PLCD1: variants seen among roughly 807,000 people sequenced by gnomAD.
The protein encoded by PLCD1 is 1-phosphatidylinositol 4,5-bisphosphate phosphodiesterase delta-1.
Under a neutral mutation model 87.4 loss-of-function variants are expected in PLCD1, and 71 were observed. The observed-to-expected ratio is 0.81, with a 90% confidence interval of 0.67 to 0.99. The LOEUF (loss-of-function observed/expected upper bound fraction) is 0.99. PLCD1 is among the 50% of genes least tolerant of loss of function. PLCD1 has a pLI of 0.00. For synonymous variants in PLCD1, 348 were observed against 399.2 expected (o/e 0.87, Z 1.53); for missense variants, 867 against 1,001.5 (o/e 0.87, Z 1.81).
rs374756302 is a variant in PLCD1, at chr3:38,011,557, C to T, written c.545G>A (p.Arg182Gln). 10 of 1,614,148 alleles carry T rather than the reference C, an allele frequency of 6.2e-6. No homozygotes were observed. The East Asian group carries it at 1.1e-4, about 18-fold the overall frequency. Reference protein sequence around the residue: ...LNIQVDDSYARKIFRECDHSQ... With the variant: ...LNIQVDDSYAQKIFRECDHSQ... ...TTCCTGCCTCACCCTGAAGATCTTC[C>T]GGGCATAGCTGTCGTCCACCTGGAT... Residue 182 changes from arginine (R) to glutamine (Q), a missense_variant, in exon 4 of 15, where the codon CGG (arginine) becomes CAG (glutamine). Arg to Gln is a conservative substitution (Grantham distance 43). Transcript: ENST00000334661.
chr3:38,026,823 G>A (rs903649185), intron 1 of PLCD1, among the ~76,000 whole-genome samples: 1 of 152,256 alleles, frequency 6.6e-6, no homozygotes, highest in Non-Finnish European at 1.5e-5. Flanking sequence ...TGTGAAATAT[G>A]TACTGCTATC....
At chr3:38,024,892 G>T in intron 1 of PLCD1, 1 of 355,352 alleles carries the variant, frequency 2.8e-6, no homozygotes, top group South Asian at 2.6e-5. Context: ...GTCGAGGCGT[G>T]GGTGGGGATG....
chr3:38,024,598 G>A, intron 1 of PLCD1: 3 of 1,512,158 alleles, frequency 2.0e-6, no homozygotes, highest in African/African-American at 1.4e-5. Context: ...GCTAGAGTTC[G>A]AGAGGAGGGG....
chr3:38,027,786 A>T (rs1700324039), intron 1 of PLCD1, among the ~76,000 whole-genome samples: 1 of 152,232 alleles, frequency 6.6e-6, no homozygotes. Flanking sequence ...CCCTCCCACC[A>T]ACAATTCTCC....
chr3:38,011,299 C>T lies in PLCD1; in HGVS notation c.705G>A (p.Thr235=), dbSNP rs115932877. ...CCTCCCGCTGCTGGTGCTGCAGGAA[C>T]GTCACTAACTGATCCACCGACAGAG... is the stretch of plus-strand genomic sequence containing the variant. ...GETLSVDQLV[T]FLQHQQREEA... is the part of the protein sequence containing the mutation. Residue 235 remains threonine, a synonymous_variant, in exon 5 of 15, where the codon ACG becomes ACA. Coordinates refer to ENST00000334661, the MANE Select transcript of PLCD1 (RefSeq NM_006225.4). 9.1e-5 allele frequency: 146 copies of T among 1,612,046 alleles called. 1 individual carries two copies. The African/African-American group carries it at 1.4e-3, about 16-fold the overall frequency.
intron 1 of PLCD1, among the ~76,000 whole-genome samples, chr3:38,021,078 T>G (rs1224684878): frequency 6.6e-6 from 1 of 151,454 alleles, no homozygotes; most frequent in Non-Finnish European, 1.5e-5. Flanking sequence ...GCAGTTGGGG[T>G]TCTTGGTGTC....
rs753275222 is a variant in PLCD1, at chr3:38,020,308, G to A, written c.79C>T (p.Gln27Ter). The A allele has an allele frequency of 1.2e-6, 2 of 1,614,012 alleles. No individual in the cohort carries two copies. The highest frequency in any genetic ancestry group is 1.7e-6 in the Non-Finnish European group (2 of 1,179,962). Residue 27 changes from glutamine to a stop codon, truncating the protein, a stop_gained, in exon 2 of 15, where the codon CAG becomes TAG. Transcript: ENST00000334661. LOFTEE classifies it high-confidence loss of function. Reference sequence around the variant, plus strand: ...GAGCTGGACTTCACCTTCAGGAGCTGGCTGCCCTTCAGCAGCGCCTGTAGA... The same window carrying A: ...GAGCTGGACTTCACCTTCAGGAGCTAGCTGCCCTTCAGCAGCGCCTGTAGA... The part of the protein sequence containing the change: ...EDLQALLKGS[Q>*]LLKVKSSSWR...
chr3:38,015,587 A>G (rs770168869), intron 3 of PLCD1, among the ~76,000 whole-genome samples: 2 of 152,244 alleles, frequency 1.3e-5, no homozygotes, highest in Non-Finnish European at 2.9e-5. Context: ...ATTATATGGT[A>G]TGTGAATTAC....
At position 38,029,510 on chromosome 3, in the gene PLCD1, C is replaced by T; in HGVS notation, c.30G>A (p.Leu10=). The T allele has an allele frequency of 6.5e-7, 1 of 1,539,476 alleles. No homozygotes were observed. The stretch of plus-strand genomic sequence containing the variant: ...TCGCGCGGGCCAGGCACTCACCGTG[C>T]AGGGTCAGGAAGTCCCGGCCCGAGT... The part of the protein sequence containing the change: MDSGRDFLT[L]HGLQDDEDLQ... The change falls in exon 1 of 15, where the codon CTG becomes CTA. Residue 10 remains leucine (L), a synonymous_variant. Transcript: ENST00000334661.
In PLCD1 at chr3:38,007,682, A is replaced by G; in HGVS notation, c.*91T>C. On this transcript the variant is annotated 3_prime_UTR_variant, in exon 15 of 15. Transcript: ENST00000334661. The stretch of plus-strand genomic sequence containing the variant: ...GCAATTTGGGGGCCTAGCTCTGAGC[A>G]AGAGGCTGGGAGCAGCCACACCAGC... 1.0e-6 allele frequency: 1 copy of G among 989,018 alleles called. No individual in the cohort carries two copies. The allele number at this position is 989,018 out of a possible 1,614,324, so 61.3% of individuals were successfully genotyped here. A position where few individuals can be genotyped will look rare whatever the true frequency, so the allele number is the denominator to read the frequency against.
intron 1 of PLCD1, among the ~76,000 whole-genome samples, chr3:38,027,303 G>A (rs1700320026): frequency 6.6e-6 from 1 of 152,190 alleles, no homozygotes; most frequent in Non-Finnish European, 1.5e-5. Context: ...ATTTGGGGAG[G>A]GGGCCTCCTG....
intron 3 of PLCD1, among the ~76,000 whole-genome samples, chr3:38,012,350 G>T (rs1700093264): frequency 6.6e-6 from 1 of 151,812 alleles, no homozygotes; most frequent in African/African-American, 2.4e-5. Flanking sequence ...CAACACTAAA[G>T]AAATGGATAT....
chr3:38,024,401 G>A (rs1453058547), intron 1 of PLCD1: 2 of 1,612,546 alleles, frequency 1.2e-6, no homozygotes, highest in East Asian at 2.2e-5. Context: ...GCTCCCTGGA[G>A]CGGCTCCGGC....
In PLCD1 at chr3:38,011,688, A is replaced by G; in HGVS notation, c.429-15T>C. On this transcript the variant is annotated splice_polypyrimidine_tract_variant and intron_variant, in intron 3 of 14. Transcript: ENST00000334661. ...AGTGAATCCAGCTGGGCAAGAAGTAAGGAAAGAACCCAGGAACCCTGGAAC... is the reference window on the plus strand; with the variant it reads ...AGTGAATCCAGCTGGGCAAGAAGTAGGGAAAGAACCCAGGAACCCTGGAAC... 1 of 1,614,114 alleles carries G rather than the reference A, an allele frequency of 6.2e-7. No homozygotes were observed.
chr3:38,016,169 G>A (rs548115607), intron 3 of PLCD1, among the ~76,000 whole-genome samples: 27 of 152,210 alleles, frequency 1.8e-4, no homozygotes, highest in South Asian at 4.1e-4. Context: ...TGGGGCACCC[G>A]CGCTGGGATT....
chr3:38,011,761 C>A, intron 3 of PLCD1, 88 bp from the exon 4 acceptor site: 1 of 1,309,818 alleles, frequency 7.6e-7, no homozygotes, highest in Non-Finnish European at 1.1e-6. Flanking sequence ...CTGAAGCCAC[C>A]TATAGCCACA....
Position 38,011,260 on chromosome 3 carries a change from A to G in PLCD1, c.744T>C (p.Pro248=). The change falls in exon 5 of 15, where the codon CCT becomes CCC. Residue 248 remains proline, a synonymous_variant. Transcript: ENST00000334661. ...GCTCAATGAGGGAGAGGGCCAGCGCAGGCCCTGCCGCCTCCTCCCGCTGCT... is the reference window on the plus strand; with the variant it reads ...GCTCAATGAGGGAGAGGGCCAGCGCGGGCCCTGCCGCCTCCTCCCGCTGCT... ...QHQQREEAAG[P]ALALSLIERY... 6.2e-7 allele frequency: 1 copy of G among 1,611,454 alleles called. No individual in the cohort carries two copies. The highest frequency in any genetic ancestry group is 8.5e-7 in the Non-Finnish European group (1 of 1,179,962).
At chr3:38,012,166 G>C (rs1043734831) in intron 3 of PLCD1, among the ~76,000 whole-genome samples, 23 of 146,400 alleles carry the variant, frequency 1.6e-4, no homozygotes, top group African/African-American at 5.8e-4. Context: ...GCACCACCAC[G>C]CCTGGCTTTT....
chr3:38,020,497 C>T, intron 1 of PLCD1, 145 bp from the exon 2 acceptor site: 2 of 782,578 alleles, frequency 2.6e-6, no homozygotes, highest in Non-Finnish European at 4.4e-6. Flanking sequence ...CTCCCTCCTC[C>T]ACCCATGCTC....
Sources: allele counts gnomAD v4.1 joint callset (sites outside exome capture counted in the v4.1 genomes callset), GRCh38; gene constraint gnomAD v4.1.1; transcripts MANE v1.5; gene names NCBI Gene and HGNC (gene_info 2026-07-23, HGNC 2026-07-21).